Variants in CADPS2 observed in about 807,000 individuals in gnomAD.
The protein encoded by CADPS2 is calcium dependent secretion activator 2.
In CADPS2, 93 loss-of-function variants were observed where a neutral mutation model predicts 172.5. The observed-to-expected ratio is 0.54, with a 90% CI of 0.46 to 0.64. The LOEUF (loss-of-function observed/expected upper bound fraction) is 0.64. Among genes scored for constraint, CADPS2 ranks in the 30% least tolerant of loss-of-function variants. The probability of loss-of-function intolerance (pLI) is 0.00; values close to 1 mark genes in which losing one functional copy is unlikely to be tolerated. For missense variants in CADPS2, 1,420 were observed against 1,565.9 expected (o/e 0.91, Z 1.57); for synonymous variants, 546 against 555.2 (o/e 0.98, Z 0.23).
At chr7:122,856,256 T>C (rs1241945144) in intron 1 of CADPS2, among the ~76,000 whole-genome samples, 1 of 152,168 alleles carries the variant, frequency 6.6e-6, no homozygotes, top group Non-Finnish European at 1.5e-5. Context: ...AACATAAGCC[T>C]CATTGGAATA....
intron 28 of CADPS2, among the ~76,000 whole-genome samples, chr7:122,344,181 G>A (rs1489810528): frequency 1.3e-5 from 2 of 152,138 alleles, no homozygotes; most frequent in Non-Finnish European, 2.9e-5. Context: ...CATGAAGCCC[G>A]TGAATTGCTG....
chr7:122,464,010 A>AT (rs2054811190), intron 14 of CADPS2, among the ~76,000 whole-genome samples: 2 of 152,274 alleles, frequency 1.3e-5, no homozygotes, highest in African/African-American at 2.4e-5. Context: ...GGAAGCTATG[A>AT]TTTTTCCAGC....
chr7:122,698,013 T>C (rs775113754), intron 2 of CADPS2: 16 of 1,613,346 alleles, frequency 9.9e-6, no homozygotes, highest in Admixed American at 6.7e-5. Flanking sequence ...TCCCCAAAAC[T>C]TTAAGAATAT....
At chr7:122,537,759 T>G (rs2062458098) in intron 8 of CADPS2, among the ~76,000 whole-genome samples, 1 of 151,732 alleles carries the variant, frequency 6.6e-6, no homozygotes, top group South Asian at 2.1e-4. Context: ...GAGACGAAAT[T>G]AATACAAATG....
At chr7:122,832,900 T>C (rs1807035147) in intron 1 of CADPS2, among the ~76,000 whole-genome samples, 1 of 152,232 alleles carries the variant, frequency 6.6e-6, no homozygotes, top group Admixed American at 6.5e-5. Context: ...GACAGCTTAA[T>C]TATAATGAAA....
chr7:122,788,621 T>C (rs968128433), intron 1 of CADPS2, among the ~76,000 whole-genome samples: 7 of 152,338 alleles, frequency 4.6e-5, no homozygotes, highest in African/African-American at 1.7e-4. Context: ...TTCTCTGCTG[T>C]AGAGTCTACC....
chr7:122,373,909 G>A (rs1429392457), intron 25 of CADPS2, among the ~76,000 whole-genome samples: 2 of 152,064 alleles, frequency 1.3e-5, no homozygotes, highest in African/African-American at 4.8e-5. Context: ...CTTATTCTAT[G>A]AGGCCAGCAT....
At chr7:122,384,033 A>G (rs1448760231) in intron 24 of CADPS2, among the ~76,000 whole-genome samples, 2 of 152,184 alleles carry the variant, frequency 1.3e-5, no homozygotes, top group African/African-American at 4.8e-5. Context: ...TTGTGCAGTT[A>G]CGGATAATGA....
At chr7:122,480,343 A>G (rs1308520931) in intron 12 of CADPS2, among the ~76,000 whole-genome samples, 1 of 132,480 alleles carries the variant, frequency 7.5e-6, no homozygotes. Flanking sequence ...AGTTTTTTAA[A>G]AAATAAGCTT....
intron 23 of CADPS2, among the ~76,000 whole-genome samples, chr7:122,388,145 ATAGT>A (rs373490886): frequency 5.8e-4 from 88 of 152,238 alleles, no homozygotes; most frequent in African/African-American, 1.8e-3. Flanking sequence ...TGGACAGAAA[ATAGT>A]TAGTAATCCC....
At chr7:122,664,512 G>A (rs2135408482) in intron 2 of CADPS2, among the ~76,000 whole-genome samples, 1 of 152,268 alleles carries the variant, frequency 6.6e-6, no homozygotes, top group African/African-American at 2.4e-5. Flanking sequence ...CAGTAATAAG[G>A]TCATATTTGG....
intron 17 of CADPS2, among the ~76,000 whole-genome samples, chr7:122,430,409 G>C (rs1360701374): frequency 6.6e-6 from 1 of 152,170 alleles, no homozygotes; most frequent in African/African-American, 2.4e-5. Flanking sequence ...CTGTGAGAAA[G>C]TCTTTGAACC....
chr7:122,865,992 T>C lies in CADPS2; in HGVS notation c.339+20007A>G, dbSNP rs76228973. ...GTGGTGTAGGCATCTTATTTTGATG[T>C]TGGAAGTATTTTCCCAAAGAATTAA... is the stretch of plus-strand genomic sequence containing the variant. On this transcript the variant is annotated intron_variant, in intron 1 of 29. Coordinates refer to ENST00000449022, the MANE Select transcript of CADPS2 (RefSeq NM_017954.11). Among the ~76,000 whole-genome samples, 912 of 152,328 alleles carry C rather than the reference T, an allele frequency of 6.0e-3. 10 individuals carry two copies. The highest frequency in any genetic ancestry group is 0.021 in the African/African-American group (875 of 41,570).
intron 28 of CADPS2, among the ~76,000 whole-genome samples, chr7:122,337,558 A>T (rs1052561343): frequency 2.0e-5 from 3 of 152,196 alleles, no homozygotes; most frequent in South Asian, 2.1e-4. Flanking sequence ...TCTGATTCAA[A>T]TGAGGGCCTT....
intron 24 of CADPS2, among the ~76,000 whole-genome samples, chr7:122,380,158 T>C (rs2042825755): frequency 6.6e-6 from 1 of 152,146 alleles, no homozygotes; most frequent in Non-Finnish European, 1.5e-5. Context: ...CTTTTTTTTT[T>C]CTTTCTTTAG....
chr7:122,357,850 G>A (rs1050215345), intron 27 of CADPS2, among the ~76,000 whole-genome samples: 3 of 152,134 alleles, frequency 2.0e-5, no homozygotes, highest in Non-Finnish European at 2.9e-5. Flanking sequence ...TTGTATGGAC[G>A]TACCAATGGT....
chr7:122,598,700 C>T (rs1489481710), intron 6 of CADPS2, among the ~76,000 whole-genome samples: 1 of 152,040 alleles, frequency 6.6e-6, no homozygotes, highest in African/African-American at 2.4e-5. Flanking sequence ...AAAACAGTGT[C>T]CTCCCTATAG....
At chr7:122,397,598 T>C (rs1025651124) in intron 20 of CADPS2, among the ~76,000 whole-genome samples, 1 of 152,180 alleles carries the variant, frequency 6.6e-6, no homozygotes, top group Non-Finnish European at 1.5e-5. Flanking sequence ...AAATGTATGC[T>C]CCTTCCTTCG....
chr7:122,407,163 A>G (rs2046751138), intron 20 of CADPS2, among the ~76,000 whole-genome samples: 1 of 152,200 alleles, frequency 6.6e-6, no homozygotes, highest in African/African-American at 2.4e-5. Flanking sequence ...TTAACATAAC[A>G]TGATTTCTAC....
Sources: allele counts gnomAD v4.1 joint callset (sites outside exome capture counted in the v4.1 genomes callset), GRCh38; gene constraint gnomAD v4.1.1; transcripts MANE v1.5; gene names NCBI Gene and HGNC (gene_info 2026-07-23, HGNC 2026-07-21).